Variants in EVC observed in about 807,000 individuals in gnomAD.
The protein encoded by EVC is EvC ciliary complex subunit 1, also known as evC complex member EVC.
In EVC, 116 loss-of-function variants were observed where a neutral mutation model predicts 118.9. That is an observed-to-expected ratio of 0.98 (90% CI 0.84 to 1.14). The LOEUF (loss-of-function observed/expected upper bound fraction) is 1.14. Among genes scored for constraint, EVC ranks in the 50% most tolerant of loss-of-function variants. The pLI is 0.00. For synonymous variants in EVC, 619 were observed against 534.7 expected (o/e 1.16, Z -2.18); for missense variants, 1,401 against 1,246.4 (o/e 1.12, Z -1.87).
chr4:5,798,766 C>G lies in EVC; in HGVS notation c.2278C>G (p.Arg760Gly). 6.2e-7 allele frequency: 1 copy of G among 1,611,142 alleles called. No individual in the cohort carries two copies. The highest frequency in any genetic ancestry group is 8.5e-7 in the Non-Finnish European group (1 of 1,179,964). The change falls in exon 15 of 21, where the codon CGG becomes GGG. Residue 760 changes from arginine to glycine, a missense_variant. By Grantham distance (125) the Arg-to-Gly change is moderately radical. Coordinates refer to ENST00000264956, the MANE Select transcript of EVC (RefSeq NM_153717.3). This position sits in a 1 kb window ranked among gnomAD's most constrained non-coding sequence, Gnocchi z 4.1. ...VHARNAATKS[R>G]AKDRDDFKRT... ...TGCACGGAATGCAGCCACCAAGAGC[C>G]GGGCCAAGGACAGGGATGACTTCAA...
At chr4:5,797,367 GC>G (rs1714169952) in intron 14 of EVC, 135 bp downstream of exon 14, 1 of 762,620 alleles carries the variant, frequency 1.3e-6, no homozygotes, top group Admixed American at 2.0e-5. Context: ...ATTCGCCGGG[GC>G]TGCCATAGCA....
intron 11 of EVC, among the ~76,000 whole-genome samples, chr4:5,781,163 C>T (rs540930285): frequency 3.4e-4 from 51 of 152,138 alleles, no homozygotes; most frequent in Non-Finnish European, 6.5e-4. Context: ...GAAAAGGAGA[C>T]CTCGAATTGA....
At chr4:5,786,821 G>A (rs1233606533) in intron 12 of EVC, among the ~76,000 whole-genome samples, 13 of 146,204 alleles carry the variant, frequency 8.9e-5, no homozygotes, top group Non-Finnish European at 1.6e-4. Flanking sequence ...GCAGTGAGCC[G>A]AGATCACGCC....
At chr4:5,801,305 C>T (rs1311067879) in intron 15 of EVC, among the ~76,000 whole-genome samples, 5 of 152,182 alleles carry the variant, frequency 3.3e-5, no homozygotes, top group Non-Finnish European at 7.3e-5. Flanking sequence ...ACTGTCACTC[C>T]AGATGTCAGG....
chr4:5,804,821 C>A lies in EVC; in HGVS notation c.2541C>A (p.Thr847=). ...GSRTAGGAHE[T]SQAVHQRMLS... is the part of the protein sequence containing the mutation. ...GGACGGCAGGTGGCGCTCATGAGAC[C>A]TCCCAGGCGGTCCACCAGAGGTGAG... The change falls in exon 17 of 21, where the codon ACC becomes ACA. Residue 847 remains threonine (T), a synonymous_variant. Coordinates refer to ENST00000264956, the MANE Select transcript of EVC (RefSeq NM_153717.3). The A allele has an allele frequency of 6.2e-7, 1 of 1,614,070 alleles. No individual in the cohort carries two copies. The highest frequency in any genetic ancestry group is 1.1e-5 in the South Asian group (1 of 91,084).
intron 1 of EVC, among the ~76,000 whole-genome samples, chr4:5,717,691 C>T (rs889510768): frequency 6.6e-6 from 1 of 152,246 alleles, no homozygotes; most frequent in Non-Finnish European, 1.5e-5. Context: ...GGCCTTTGCA[C>T]TTGCTATTCT....
In EVC at chr4:5,755,622, A is replaced by G. The variant is rs1731048374; in HGVS notation, c.1465-642A>G. Among the ~76,000 whole-genome samples the G allele has an allele frequency of 6.6e-6, 1 of 151,946 alleles. No homozygotes were observed. The highest frequency in any genetic ancestry group is 2.4e-5 in the African/African-American group (1 of 41,362). On this transcript the variant is annotated intron_variant, in intron 10 of 20. Transcript: ENST00000264956. The surrounding 1 kb of genome is among the most constrained non-coding windows in gnomAD (Gnocchi z 4.1). ...AGCCTGGCTCCCCATCTTCCCTCCA[A>G]GGAGTCCTTCCTTGTCCTTAGAGAC...
intron 13 of EVC, among the ~76,000 whole-genome samples, chr4:5,794,396 A>G (rs1306113779): frequency 7.9e-6 from 1 of 126,388 alleles, no homozygotes; most frequent in Non-Finnish European, 1.7e-5. Flanking sequence ...TATTTTTTAT[A>G]TATATATATA....
At chr4:5,814,612 C>T (rs1717393679), downstream of EVC, among the ~76,000 whole-genome samples, 1 of 152,174 alleles carries the variant, frequency 6.6e-6, no homozygotes, top group Non-Finnish European at 1.5e-5. Context: ...TCAGAGAGGT[C>T]TAGGCTGAGC....
Position 5,798,923 on chromosome 4 carries a change from T to G in EVC, c.2304+131T>G. The stretch of plus-strand genomic sequence containing the variant: ...TAGTAGACTTTGCCTGACTTCTCCA[T>G]GACTTGATTTTCTCATCTGTAAGGT... On this transcript the variant is annotated intron_variant, in intron 15 of 20. Coordinates refer to ENST00000264956, the MANE Select transcript of EVC (RefSeq NM_153717.3). This position sits in a 1 kb window ranked among gnomAD's most constrained non-coding sequence, Gnocchi z 4.1. The G allele has an allele frequency of 1.0e-6, 1 of 986,876 alleles. No homozygotes were observed. The highest frequency in any genetic ancestry group is 1.6e-6 in the Non-Finnish European group (1 of 634,266). The allele number at this position is 986,876 out of a possible 1,614,324, so 61.1% of individuals were successfully genotyped here.
At chr4:5,802,430 A>G (rs766594340) in intron 16 of EVC, among the ~76,000 whole-genome samples, 19 of 152,096 alleles carry the variant, frequency 1.2e-4, no homozygotes, top group Non-Finnish European at 2.1e-4. Flanking sequence ...ATGGAAGACT[A>G]TTTTTCCACA....
intron 15 of EVC, among the ~76,000 whole-genome samples, chr4:5,800,483 CAG>C (rs1239417832): frequency 6.6e-6 from 1 of 151,974 alleles, no homozygotes; most frequent in Non-Finnish European, 1.5e-5. Context: ...GGAGACTGGC[CAG>C]AAAAAAACTG....
At chr4:5,793,485 G>A (rs1577599317) in intron 12 of EVC, 123 bp from the exon 13 acceptor site, 11 of 813,490 alleles carry the variant, frequency 1.4e-5, no homozygotes, top group Admixed American at 6.0e-5. Flanking sequence ...TAATGAAATC[G>A]GGGCAGAAAG....
rs1010072712 is a variant in EVC at position 5,719,445 on chromosome 4, G to A, written c.300+72G>A. The stretch of plus-strand genomic sequence containing the variant: ...GGGGTATTCCCCCTGGAAGCCGGGT[G>A]TCATGTAGACAAGCCTCTGACAGAT... On this transcript the variant is annotated intron_variant, in intron 2 of 20. Coordinates refer to ENST00000264956, the MANE Select transcript of EVC (RefSeq NM_153717.3). This position sits in a 1 kb window ranked among gnomAD's most constrained non-coding sequence, Gnocchi z 4.7. 7 of 1,608,886 alleles carry A rather than the reference G, an allele frequency of 4.4e-6. No homozygotes were observed. In the Admixed American group the frequency reaches 5.0e-5, roughly 12 times the overall value.
At chr4:5,818,788 T>G (rs892364976), downstream of EVC, among the ~76,000 whole-genome samples, 3 of 152,216 alleles carry the variant, frequency 2.0e-5, no homozygotes, top group Non-Finnish European at 2.9e-5. Flanking sequence ...TCTCAAAGTC[T>G]GTAAGAAATG....
chr4:5,719,205 TTG>T lies in EVC; in HGVS notation c.175-39_175-38del. 1 of 1,613,608 alleles carries T rather than the reference TTG, an allele frequency of 6.2e-7. No homozygotes were observed. Among genetic ancestry groups the T allele is most frequent in the Non-Finnish European group, 8.5e-7 (1 of 1,179,684 alleles). ...GGGACCAGGCCGACTGACCTCAATG[TTG>T]TGTTTCTATCCACCCCCAACTCCTG... On this transcript the variant is annotated intron_variant, in intron 1 of 20. Coordinates refer to ENST00000264956, the MANE Select transcript of EVC (RefSeq NM_153717.3). The surrounding 1 kb of genome is among the most constrained non-coding windows in gnomAD (Gnocchi z 4.7).
chr4:5,801,382 G>C (rs542917177), intron 15 of EVC, among the ~76,000 whole-genome samples: 2 of 152,248 alleles, frequency 1.3e-5, no homozygotes, highest in East Asian at 1.9e-4. Flanking sequence ...TTAATGTTTA[G>C]AAACGGAAGG....
downstream of EVC, among the ~76,000 whole-genome samples, chr4:5,816,427 G>A (rs1717685164): frequency 6.6e-6 from 1 of 152,192 alleles, no homozygotes; most frequent in Non-Finnish European, 1.5e-5. Flanking sequence ...CAAGAGGCAG[G>A]GATGTGGAGG....
At chr4:5,809,704 C>A in intron 19 of EVC, 93 bp downstream of exon 19, 1 of 1,173,066 alleles carries the variant, frequency 8.5e-7, no homozygotes, top group African/African-American at 1.5e-5. Context: ...AGCTGTGTGA[C>A]CTTAGGCATC....
Sources: allele counts gnomAD v4.1 joint callset (sites outside exome capture counted in the v4.1 genomes callset), GRCh38; gene constraint gnomAD v4.1.1; non-coding constraint Gnocchi (gnomAD v3.1); transcripts MANE v1.5; gene names NCBI Gene and HGNC (gene_info 2026-07-23, HGNC 2026-07-21).